Variants in PRKCQ observed in about 807,000 individuals in gnomAD.
PRKCQ encodes protein kinase C theta, also known as protein kinase C theta type.
Under a neutral mutation model 91.2 loss-of-function variants are expected in PRKCQ, and 41 were observed. That is an observed-to-expected ratio of 0.45 (90% CI 0.35 to 0.58). The LOEUF (loss-of-function observed/expected upper bound fraction) is 0.58, where lower values mean the gene tolerates loss of function less well. Ranked by LOEUF, PRKCQ falls within the 20% of genes least tolerant of loss-of-function variation. PRKCQ has a pLI of 0.00. For synonymous variants in PRKCQ, 307 were observed against 316.9 expected, an observed-to-expected ratio of 0.97 and a Z score of 0.33; for missense variants, 673 against 896.5, an observed-to-expected ratio of 0.75 and a Z score of 3.18.
At chr10:6,559,717 C>G (rs1213114420) in intron 1 of PRKCQ, among the ~76,000 whole-genome samples, 1 of 152,012 alleles carries the variant, frequency 6.6e-6, no homozygotes, top group Non-Finnish European at 1.5e-5. Flanking sequence ...AGATATTTTT[C>G]TTCACTCTCC....
chr10:6,450,431 A>G (rs1834596307), intron 15 of PRKCQ, among the ~76,000 whole-genome samples: 2 of 152,220 alleles, frequency 1.3e-5, no homozygotes, highest in Admixed American at 6.5e-5. Flanking sequence ...TTCATAAAGC[A>G]AGTCCTGAGT....
intron 12 of PRKCQ, 48 bp downstream of exon 12, chr10:6,478,944 C>A: frequency 6.3e-7 from 1 of 1,599,006 alleles, no homozygotes; most frequent in Non-Finnish European, 8.5e-7. Flanking sequence ...AGGTATCATG[C>A]TGAGACAGGT....
intron 1 of PRKCQ, among the ~76,000 whole-genome samples, chr10:6,550,306 C>G (rs1437238067): frequency 6.6e-6 from 1 of 152,106 alleles, no homozygotes; most frequent in Non-Finnish European, 1.5e-5. Flanking sequence ...TGGAGTCTCA[C>G]TCTGCCGCCC....
intron 8 of PRKCQ, among the ~76,000 whole-genome samples, chr10:6,489,112 T>C (rs1005353695): frequency 1.3e-5 from 2 of 152,164 alleles, no homozygotes; most frequent in African/African-American, 4.8e-5. Context: ...GATTTTTTTT[T>C]TTCATGATTG....
intron 1 of PRKCQ, among the ~76,000 whole-genome samples, chr10:6,550,556 G>C (rs1166746336): frequency 6.6e-6 from 1 of 152,228 alleles, no homozygotes; most frequent in Non-Finnish European, 1.5e-5. Context: ...TTATGGGCAT[G>C]AACCACTGTG....
Position 6,547,414 on chromosome 10 carries a change from C to T in PRKCQ, c.-9-32270G>A, listed in dbSNP as rs1840003145. Among the ~76,000 whole-genome samples, 5 of 151,742 alleles carry T rather than the reference C, an allele frequency of 3.3e-5. No homozygotes were observed. In the South Asian group the frequency reaches 6.3e-4, roughly 19 times the overall value. On this transcript the variant is annotated intron_variant, in intron 1 of 17. Transcript: ENST00000263125. ...GTTCATATGGAACCAAAAAAGAGCC[C>T]GCATCGCCAAGTCAATCCTAAGCCA... is the stretch of plus-strand genomic sequence containing the variant.
At chr10:6,408,046 G>GAT in the PRKCQ span, among the ~76,000 whole-genome samples, 1 of 84,228 alleles carries the variant, frequency 1.2e-5, no homozygotes, top group African/African-American at 5.6e-5. Context: ...TCTTGTGTCA[G>GAT]TTTTTTTTTT....
Position 6,485,389 on chromosome 10 carries a change from T to A in PRKCQ, c.901-120A>T. The A allele has an allele frequency of 7.9e-6, 6 of 758,658 alleles. No homozygotes were observed. In the South Asian group the frequency reaches 8.8e-5, roughly 11 times the overall value. The allele number at this position is 758,658 out of a possible 1,614,324, so 47.0% of individuals were successfully genotyped here. Reference sequence around the variant, plus strand: ...TTTAAATGCATAGGGTCAACAAAGATCTCCTTATCCTCAACGTTCTTTTGG... The same window carrying A: ...TTTAAATGCATAGGGTCAACAAAGAACTCCTTATCCTCAACGTTCTTTTGG... On this transcript the variant is annotated intron_variant, in intron 9 of 17. Coordinates refer to ENST00000263125, the MANE Select transcript of PRKCQ (RefSeq NM_006257.5).
At chr10:6,447,655 A>G (rs760335910) in intron 15 of PRKCQ, among the ~76,000 whole-genome samples, 7 of 152,020 alleles carry the variant, frequency 4.6e-5, no homozygotes, top group Non-Finnish European at 8.8e-5. Context: ...GAAATGCATG[A>G]GCTTCTGAGA....
chr10:6,465,001 CT>C lies in PRKCQ; in HGVS notation c.1354-598del, dbSNP rs1835570837. On this transcript the variant is annotated intron_variant, in intron 12 of 17. Transcript: ENST00000263125. This position sits in a 1 kb window ranked among gnomAD's most constrained non-coding sequence, Gnocchi z 4.4. ...GGGCACAAGGGAGAGTCCAGTTGAC[CT>C]GCTGGCCAGACAATGGGATGGTGCC... Among the ~76,000 whole-genome samples the C allele has an allele frequency of 6.6e-6, 1 of 152,108 alleles. No homozygotes were observed. Among genetic ancestry groups the C allele is most frequent in the Non-Finnish European group, 1.5e-5 (1 of 68,028 alleles).
intron 1 of PRKCQ, among the ~76,000 whole-genome samples, chr10:6,522,718 G>C (rs1321113650): frequency 1.3e-5 from 2 of 152,130 alleles, no homozygotes; most frequent in Non-Finnish European, 2.9e-5. Context: ...TCAGTGTTGG[G>C]GGAGAGTCTC....
At chr10:6,487,217 TAAAG>T (rs1363120466) in intron 8 of PRKCQ, among the ~76,000 whole-genome samples, 3 of 152,136 alleles carry the variant, frequency 2.0e-5, no homozygotes, top group East Asian at 1.9e-4. Flanking sequence ...CTCACAGTCA[TAAAG>T]AAAGTGATAT....
intron 3 of PRKCQ, among the ~76,000 whole-genome samples, chr10:6,509,669 A>G (rs1838371349): frequency 6.6e-6 from 1 of 152,144 alleles, no homozygotes; most frequent in African/African-American, 2.4e-5. Context: ...TTGGCCTCCC[A>G]AAGTGCTGGG....
intron 1 of PRKCQ, among the ~76,000 whole-genome samples, chr10:6,558,760 A>G (rs920019578): frequency 6.6e-6 from 1 of 152,186 alleles, no homozygotes; most frequent in East Asian, 1.9e-4. Context: ...TGAGGGGTCT[A>G]ATTTCTTATT....
At chr10:6,571,787 G>C (rs944262732) in intron 1 of PRKCQ, among the ~76,000 whole-genome samples, 4 of 152,072 alleles carry the variant, frequency 2.6e-5, no homozygotes, top group African/African-American at 9.7e-5. Context: ...CTGAGCAACA[G>C]AACAAGACCC....
intron 11 of PRKCQ, 55 bp from the exon 12 acceptor site, chr10:6,479,220 A>C (rs1836443822): frequency 6.3e-7 from 1 of 1,587,708 alleles, no homozygotes; most frequent in Middle Eastern, 1.7e-4. Context: ...CCCATTTCTT[A>C]AAAAAGAGAC....
chr10:6,491,242 T>C (rs1472387782), intron 8 of PRKCQ, among the ~76,000 whole-genome samples: 5 of 152,188 alleles, frequency 3.3e-5, no homozygotes, highest in African/African-American at 1.2e-4. Context: ...GGCTTGCTCC[T>C]TGATGAGATG....
intron 1 of PRKCQ, among the ~76,000 whole-genome samples, chr10:6,564,579 C>T (rs4748153): frequency 0.1 from 15,381 of 152,096 alleles, 845 homozygotes; most frequent in Middle Eastern, 0.2. Context: ...GCTGCATCCA[C>T]CCAGGGGCCA....
intron 4 of PRKCQ, among the ~76,000 whole-genome samples, chr10:6,503,641 C>T (rs1178277376): frequency 6.6e-6 from 1 of 151,984 alleles, no homozygotes; most frequent in Non-Finnish European, 1.5e-5. Context: ...ATTTGAATTC[C>T]TTATCCCCCA....
Sources: allele counts gnomAD v4.1 joint callset (sites outside exome capture counted in the v4.1 genomes callset), GRCh38; gene constraint gnomAD v4.1.1; non-coding constraint Gnocchi (gnomAD v3.1); transcripts MANE v1.5; gene names NCBI Gene and HGNC (gene_info 2026-07-23, HGNC 2026-07-21).